DENND10: variants seen among roughly 807,000 people sequenced by gnomAD.
The protein encoded by DENND10 is DENN domain-containing protein 10.
DENND10 carries 24 observed loss-of-function variants against 43.6 expected under a neutral mutation model. That is an observed-to-expected ratio of 0.55 (90% CI 0.40 to 0.77). DENND10 has a LOEUF of 0.77. DENND10 is among the 30% of genes least tolerant of loss of function. The pLI, the probability that DENND10 is intolerant of heterozygous loss-of-function variation, is 0.00. For missense variants in DENND10, 303 were observed against 429.9 expected, an observed-to-expected ratio of 0.70 and a Z score of 2.61; for synonymous variants, 125 against 157.6, an observed-to-expected ratio of 0.79 and a Z score of 1.55.
rs183755453 is a variant in DENND10 at position 119,126,299 on chromosome 10, T to C, written c.694+2730T>C. On this transcript the variant is annotated intron_variant, in intron 6 of 8. Transcript: ENST00000361432. ...GTATCTCTTTGATACACTGATTTCC[T>C]TTTTTGGGGGTAAATACCCAGCAGT... 4.3e-4 allele frequency among the ~76,000 whole-genome samples: 65 copies of C among 152,286 alleles called. No individual in the cohort carries two copies. The East Asian group carries it at 0.012, about 28-fold the overall frequency.
In DENND10 at chr10:119,136,632, A is replaced by C. The variant is rs777180213; in HGVS notation, c.1059A>C (p.Gln353His). 15 of 1,505,278 alleles carry C rather than the reference A, an allele frequency of 1.0e-5. No individual in the cohort carries two copies. Among genetic ancestry groups the C allele is most frequent in the Non-Finnish European group, 1.3e-5 (14 of 1,114,846 alleles). 93.2% of individuals were successfully genotyped at this position (1,505,278 alleles called of 1,614,324 possible). A position where few individuals can be genotyped will look rare whatever the true frequency, so the allele number is the denominator to read the frequency against. Residue 353 changes from glutamine to histidine, a missense_variant, in exon 9 of 9, where the codon CAA becomes CAC. Physicochemically the swap from Gln to His is conservative, Grantham distance 24. Coordinates refer to ENST00000361432, the MANE Select transcript of DENND10 (RefSeq NM_207009.4). ...NFLYHLAAAEQMLKI is the reference protein window; with the variant it reads ...NFLYHLAAAEHMLKI ...TTTATCATCTAGCAGCAGCCGAACAAATGCTGAAAATCTGACTGTGTGACA... is the reference window on the plus strand; with the variant it reads ...TTTATCATCTAGCAGCAGCCGAACACATGCTGAAAATCTGACTGTGTGACA...
intron 2 of DENND10, among the ~76,000 whole-genome samples, chr10:119,110,841 T>G (rs1844940472): frequency 6.6e-6 from 1 of 152,214 alleles, no homozygotes; most frequent in Admixed American, 6.5e-5. Context: ...GAGATGTATT[T>G]TGTTGTTTTT....
chr10:119,123,264 T>A (rs1845658068), intron 5 of DENND10, among the ~76,000 whole-genome samples: 1 of 152,162 alleles, frequency 6.6e-6, no homozygotes, highest in Admixed American at 6.5e-5. Context: ...TGAAACTCCA[T>A]CTCAAAAAAA....
chr10:119,128,475 G>C (rs1196652230), intron 6 of DENND10, among the ~76,000 whole-genome samples: 6 of 151,936 alleles, frequency 3.9e-5, no homozygotes, highest in African/African-American at 1.5e-4. Flanking sequence ...AGGCGTGGTG[G>C]CGCACACCTG....
At chr10:119,112,048 T>C in intron 3 of DENND10, 120 bp downstream of exon 3, 2 of 732,754 alleles carry the variant, frequency 2.7e-6, no homozygotes, top group Non-Finnish European at 4.8e-6. Flanking sequence ...GCATAATCTT[T>C]AGTAGCCCTT....
rs975531266 is a variant in DENND10, at chr10:119,129,690, T to G, written c.802+68T>G. On this transcript the variant is annotated intron_variant, in intron 7 of 8. Transcript: ENST00000361432. ...CAGTTGTACATTTTTAGGCTGATTC[T>G]CTAAAACCAGTATGTGAGGGCTGGC... 1.8e-4 allele frequency: 207 copies of G among 1,154,318 alleles called. 1 individual carries two copies. The highest frequency in any genetic ancestry group is 4.4e-5 in the Non-Finnish European group (34 of 768,640). The allele number at this position is 1,154,318 out of a possible 1,614,324, so 71.5% of individuals were successfully genotyped here.
chr10:119,121,009 C>T (rs1845549081), intron 5 of DENND10, among the ~76,000 whole-genome samples: 1 of 151,522 alleles, frequency 6.6e-6, no homozygotes, highest in Non-Finnish European at 1.5e-5. Context: ...GAGATGGGGT[C>T]TTGCTGTGTT....
At chr10:119,104,623 C>T (rs1229949311) in intron 1 of DENND10, 1 of 151,444 alleles carries the variant, frequency 6.6e-6, no homozygotes. Context: ...GAGGCAGGGT[C>T]CGGTTCCCCC....
chr10:119,107,662 C>T (rs991905703), intron 1 of DENND10, among the ~76,000 whole-genome samples: 2 of 152,052 alleles, frequency 1.3e-5, no homozygotes, highest in Admixed American at 1.3e-4. Flanking sequence ...CCTTGGCCTC[C>T]CAAAGTGATG....
chr10:119,126,250 G>A (rs1845827777), intron 6 of DENND10, among the ~76,000 whole-genome samples: 1 of 152,090 alleles, frequency 6.6e-6, no homozygotes, highest in African/African-American at 2.4e-5. Flanking sequence ...TGTGAACCGT[G>A]CTGCAGTGAA....
In DENND10 at chr10:119,105,594, A is replaced by G. The variant is rs932912626; in HGVS notation, c.55+1397A>G. 1.8e-5 allele frequency: 15 copies of G among 828,100 alleles called. No homozygotes were observed. The African/African-American group carries it at 2.7e-4, about 15-fold the overall frequency. 51.3% of individuals were successfully genotyped at this position (828,100 alleles called of 1,614,324 possible). A position where few individuals can be genotyped will look rare whatever the true frequency, so the allele number is the denominator to read the frequency against. On this transcript the variant is annotated intron_variant, in intron 1 of 8. Transcript: ENST00000361432. ...CAGAAGGTACTTTTGAACTAAGGCT[A>G]AGTTAAACTGTCTTTATCTACTAAT...
At chr10:119,115,532 C>T (rs1345966200) in intron 3 of DENND10, among the ~76,000 whole-genome samples, 4 of 106,294 alleles carry the variant, frequency 3.8e-5, no homozygotes, top group South Asian at 3.7e-4. Flanking sequence ...GGACGACAGG[C>T]GCCCGCCACT....
At position 119,137,750 on chromosome 10, in the gene DENND10, T is replaced by A. The variant is rs527935028; in HGVS notation, c.*1103T>A. ...CATCTTTTTCTTGGTATTACATATT[T>A]GTTCAATAAAAATTAAACACCCTCC... is the stretch of plus-strand genomic sequence containing the variant. On this transcript the variant is annotated 3_prime_UTR_variant, in exon 9 of 9. Transcript: ENST00000361432. The A allele has an allele frequency of 1.2e-5, 2 of 166,720 alleles. No homozygotes were observed. Among genetic ancestry groups the A allele is most frequent in the Non-Finnish European group, 2.9e-5 (2 of 68,064 alleles). The allele number at this position is 166,720 out of a possible 1,614,324, so 10.3% of individuals were successfully genotyped here. A position where few individuals can be genotyped will look rare whatever the true frequency, so the allele number is the denominator to read the frequency against.
chr10:119,132,279 G>C lies in DENND10; in HGVS notation c.803-236G>C, dbSNP rs2133533386. Reference sequence around the variant, plus strand: ...ATTTTGGTCAGGTGGGTGTGAAGGGGAAATCTGGTTTGGTGTGATGTGTTT... The same window carrying C: ...ATTTTGGTCAGGTGGGTGTGAAGGGCAAATCTGGTTTGGTGTGATGTGTTT... On this transcript the variant is annotated intron_variant, in intron 7 of 8. Coordinates refer to ENST00000361432, the MANE Select transcript of DENND10 (RefSeq NM_207009.4). This position sits in a 1 kb window ranked among gnomAD's most constrained non-coding sequence, Gnocchi z 4.2. Among the ~76,000 whole-genome samples the C allele has an allele frequency of 6.6e-6, 1 of 152,290 alleles. No individual in the cohort carries two copies. The highest frequency in any genetic ancestry group is 1.5e-5 in the Non-Finnish European group (1 of 68,026).
rs1302809516 is a variant in DENND10, at chr10:119,137,533, T to G, written c.*886T>G. 1 of 166,894 alleles carries G rather than the reference T, an allele frequency of 6.0e-6. No homozygotes were observed. The highest frequency in any genetic ancestry group is 1.5e-5 in the Non-Finnish European group (1 of 68,108). The allele number at this position is 166,894 out of a possible 1,614,324, so 10.3% of individuals were successfully genotyped here. A position where few individuals can be genotyped will look rare whatever the true frequency, so the allele number is the denominator to read the frequency against. On this transcript the variant is annotated 3_prime_UTR_variant, in exon 9 of 9. Transcript: ENST00000361432. ...TCGATGAAAGTAGTTTGGCCACATG[T>G]CAAGCCAATTGTTTGTACTATTTAT...
rs1159330578 is a variant in DENND10 at position 119,104,213 on chromosome 10, C to A, written c.55+16C>A. ...GGGCTGATCGGTGAGGACGTAGGCG[C>A]CCTGCCTGGAAGCCCGCACCCTGGT... is the stretch of plus-strand genomic sequence containing the variant. On this transcript the variant is annotated intron_variant, in intron 1 of 8. Transcript: ENST00000361432. The A allele has an allele frequency of 1.3e-6, 2 of 1,509,192 alleles. No homozygotes were observed. The highest frequency in any genetic ancestry group is 1.8e-6 in the Non-Finnish European group (2 of 1,129,408). The allele number at this position is 1,509,192 out of a possible 1,614,324, so 93.5% of individuals were successfully genotyped here.
chr10:119,117,680 A>G lies in DENND10; in HGVS notation c.481+13A>G, dbSNP rs770444619. 3 of 1,612,960 alleles carry G rather than the reference A, an allele frequency of 1.9e-6. No individual in the cohort carries two copies. In the African/African-American group the frequency reaches 4.0e-5, roughly 22 times the overall value. On this transcript the variant is annotated intron_variant, in intron 4 of 8. Transcript: ENST00000361432. ...GGCTCCATCAAAGGTAAGAAGGGAAAAAACAGGCCAGGGACGGTGGCTCAC... is the reference window on the plus strand; with the variant it reads ...GGCTCCATCAAAGGTAAGAAGGGAAGAAACAGGCCAGGGACGGTGGCTCAC...
At position 119,105,822 on chromosome 10, in the gene DENND10, C is replaced by T. The variant is rs1844668154; in HGVS notation, c.55+1625C>T. ...GCTTGGTCCCAGGAGGCAGAGGTTG[C>T]AGTGAACTGAGATCATGCCACTGTA... On this transcript the variant is annotated intron_variant, in intron 1 of 8. Transcript: ENST00000361432. Among the ~76,000 whole-genome samples, 7 of 152,106 alleles carry T rather than the reference C, an allele frequency of 4.6e-5. No individual in the cohort carries two copies. The South Asian group carries it at 1.4e-3, about 31-fold the overall frequency.
intron 6 of DENND10, among the ~76,000 whole-genome samples, chr10:119,124,386 A>AT (rs1016930089): frequency 3.4e-5 from 5 of 147,926 alleles, no homozygotes; most frequent in African/African-American, 5.0e-5. Context: ...AAAAAAAAAA[A>AT]AAAAATTAGC....
Sources: allele counts gnomAD v4.1 joint callset (sites outside exome capture counted in the v4.1 genomes callset), GRCh38; gene constraint gnomAD v4.1.1; non-coding constraint Gnocchi (gnomAD v3.1); transcripts MANE v1.5; gene names NCBI Gene and HGNC (gene_info 2026-07-23, HGNC 2026-07-21).